Variants in PTPRD observed in about 807,000 individuals in gnomAD.
The protein encoded by PTPRD is receptor-type tyrosine-protein phosphatase delta.
Under a neutral mutation model 214.5 loss-of-function variants are expected in PTPRD, and 34 were observed. That is an observed-to-expected ratio of 0.16 (90% CI 0.12 to 0.21). PTPRD has a LOEUF of 0.21. Ranked by LOEUF, PTPRD falls within the 10% of genes least tolerant of loss-of-function variation. PTPRD has a pLI of 1.00. For missense variants in PTPRD, 2,545 were observed against 2,398.7 expected, an observed-to-expected ratio of 1.06 and a Z score of -1.27; for synonymous variants, 1,128 against 845.7, an observed-to-expected ratio of 1.33 and a Z score of -5.79.
At chr9:10,323,036 T>C (rs2096579508) in intron 3 of PTPRD, among the ~76,000 whole-genome samples, 1 of 152,056 alleles carries the variant, frequency 6.6e-6, no homozygotes, top group African/African-American at 2.4e-5. Flanking sequence ...TAACAAGCTA[T>C]TGAAGAAACT....
intron 3 of PTPRD, among the ~76,000 whole-genome samples, chr9:10,327,628 AG>A (rs1418895764): frequency 6.6e-6 from 1 of 151,778 alleles, no homozygotes; most frequent in African/African-American, 2.4e-5. Context: ...AACATTTCTT[AG>A]ACAAGTTTGA....
chr9:10,168,830 C>CAT (rs1440585089), intron 3 of PTPRD, among the ~76,000 whole-genome samples: 2 of 152,006 alleles, frequency 1.3e-5, no homozygotes, highest in Admixed American at 6.6e-5. Flanking sequence ...ATGAAATATA[C>CAT]ATATATATAC....
At chr9:9,519,571 T>C (rs2096916734) in intron 8 of PTPRD, among the ~76,000 whole-genome samples, 1 of 151,944 alleles carries the variant, frequency 6.6e-6, no homozygotes, top group Admixed American at 6.6e-5. Context: ...AACAACTGTA[T>C]TCAAAAAGTT....
intron 2 of PTPRD, among the ~76,000 whole-genome samples, chr9:10,478,339 C>T (rs1443331363): frequency 6.6e-6 from 1 of 152,070 alleles, no homozygotes; most frequent in Non-Finnish European, 1.5e-5. Context: ...TTTAAGCTTA[C>T]CATTTGCTAT....
intron 26 of PTPRD, among the ~76,000 whole-genome samples, chr9:8,493,287 T>C (rs746697594): frequency 2.0e-5 from 3 of 152,230 alleles, no homozygotes; most frequent in Non-Finnish European, 4.4e-5. Context: ...AGACCAAGTA[T>C]GTTTACCTAT....
intron 3 of PTPRD, among the ~76,000 whole-genome samples, chr9:10,250,580 C>A (rs964790934): frequency 5.3e-5 from 8 of 152,022 alleles, no homozygotes; most frequent in African/African-American, 1.7e-4. Flanking sequence ...GATTTAAAAT[C>A]CTTTGATCAA....
At chr9:8,575,765 T>C (rs957982993) in intron 14 of PTPRD, among the ~76,000 whole-genome samples, 18 of 152,078 alleles carry the variant, frequency 1.2e-4, no homozygotes, top group Non-Finnish European at 2.2e-4. Context: ...CAAAAACAAA[T>C]GGGAAATTGT....
chr9:9,300,339 T>A (rs1460198194), intron 9 of PTPRD, among the ~76,000 whole-genome samples: 1 of 151,728 alleles, frequency 6.6e-6, no homozygotes, highest in Non-Finnish European at 1.5e-5. Context: ...TCCAGATCAA[T>A]GTATTCCAGT....
At chr9:8,669,855 G>A (rs2154362400) in intron 12 of PTPRD, among the ~76,000 whole-genome samples, 1 of 152,236 alleles carries the variant, frequency 6.6e-6, no homozygotes, top group Non-Finnish European at 1.5e-5. Context: ...GCTAGAGAGT[G>A]AGCAGTACTG....
intron 8 of PTPRD, among the ~76,000 whole-genome samples, chr9:9,535,558 A>C (rs1463725287): frequency 2.0e-5 from 3 of 152,122 alleles, no homozygotes; most frequent in African/African-American, 7.2e-5. Flanking sequence ...CACATACATT[A>C]AAAACAGATT....
intron 11 of PTPRD, among the ~76,000 whole-genome samples, chr9:8,889,662 C>T (rs1426809534): frequency 7.1e-6 from 1 of 140,582 alleles, no homozygotes; most frequent in Non-Finnish European, 1.5e-5. Context: ...CATTCTTATG[C>T]CTTTGCATAC....
chr9:8,542,680 G>A (rs1269455793), intron 14 of PTPRD, among the ~76,000 whole-genome samples: 1 of 152,242 alleles, frequency 6.6e-6, no homozygotes, highest in Non-Finnish European at 1.5e-5. Flanking sequence ...GTGTCTGTCA[G>A]TTGAACACTG....
At chr9:8,893,032 A>T (rs1001041930) in intron 11 of PTPRD, among the ~76,000 whole-genome samples, 1 of 152,324 alleles carries the variant, frequency 6.6e-6, no homozygotes, top group East Asian at 1.9e-4. Context: ...ATATGAGAAG[A>T]AAAACTAAGT....
intron 4 of PTPRD, among the ~76,000 whole-genome samples, chr9:9,986,925 C>T (rs771136290): frequency 6.6e-6 from 1 of 151,362 alleles, no homozygotes. Context: ...AAAAGATACT[C>T]TCTAGAATTC....
intron 8 of PTPRD, among the ~76,000 whole-genome samples, chr9:9,551,292 T>G (rs1364210480): frequency 6.6e-6 from 1 of 151,504 alleles, no homozygotes. Context: ...CAAACGGAGG[T>G]CAAAACCTTA....
At chr9:10,348,843 G>C (rs935611649) in intron 2 of PTPRD, among the ~76,000 whole-genome samples, 3 of 152,104 alleles carry the variant, frequency 2.0e-5, no homozygotes, top group Non-Finnish European at 4.4e-5. Context: ...CCCTAAATAA[G>C]ATGGCTACAA....
intron 8 of PTPRD, among the ~76,000 whole-genome samples, chr9:9,461,172 G>A (rs1478950703): frequency 6.8e-6 from 1 of 147,848 alleles, no homozygotes; most frequent in African/African-American, 2.5e-5. Context: ...GATCTAAAAT[G>A]TAGGAGAATG....
chr9:10,349,106 C>G (rs2097139635), intron 2 of PTPRD, among the ~76,000 whole-genome samples: 1 of 151,934 alleles, frequency 6.6e-6, no homozygotes, highest in Non-Finnish European at 1.5e-5. Context: ...AAAATTCAGA[C>G]TCACTGAGCA....
At chr9:8,349,858 CTAA>C (rs1035567707) in intron 39 of PTPRD, among the ~76,000 whole-genome samples, 2 of 151,692 alleles carry the variant, frequency 1.3e-5, no homozygotes, top group African/African-American at 2.4e-5. Flanking sequence ...AACTATTCCA[CTAA>C]TGAGAATCAG....
Sources: gnomAD v4.1 joint callset for allele counts (sites outside exome capture counted in the v4.1 genomes callset) on GRCh38, gnomAD v4.1.1 for gene constraint, MANE v1.5 for transcripts, NCBI Gene and HGNC (gene_info 2026-07-23, HGNC 2026-07-21) for gene names.